Variants in STK3 observed in about 807,000 individuals in gnomAD.
The protein encoded by STK3 is serine/threonine kinase 3, also known as serine/threonine-protein kinase 3.
A neutral mutation model predicts 58.0 loss-of-function variants in STK3; 41 were observed. The observed-to-expected ratio is 0.71, with a 90% CI of 0.55 to 0.92. The LOEUF (loss-of-function observed/expected upper bound fraction) is 0.92. STK3 is among the 40% of genes least tolerant of loss of function. The pLI is 0.00. For missense variants in STK3, 479 were observed against 602.7 expected, an observed-to-expected ratio of 0.79 and a Z score of 2.15; for synonymous variants, 170 against 191.0, an observed-to-expected ratio of 0.89 and a Z score of 0.91.
At chr8:98,498,050 C>T (rs938619593) in intron 10 of STK3, among the ~76,000 whole-genome samples, 4 of 152,076 alleles carry the variant, frequency 2.6e-5, no homozygotes, top group Admixed American at 6.6e-5. Flanking sequence ...CATCCTTACA[C>T]GGCCTCATAG....
At chr8:98,409,104 C>T (rs1245631923) in intron 3 of STK3, among the ~76,000 whole-genome samples, 1 of 152,154 alleles carries the variant, frequency 6.6e-6, no homozygotes, top group African/African-American at 2.4e-5. Context: ...CAGCCCCATG[C>T]CCCAGTCCAC....
intron 1 of STK3, among the ~76,000 whole-genome samples, chr8:98,891,620 T>TGC (rs1439431608): frequency 1.4e-5 from 2 of 138,532 alleles, no homozygotes; most frequent in African/African-American, 5.4e-5. Flanking sequence ...TGTGTGTGTG[T>TGC]GTGTGTGAGA....
intron 6 of STK3, among the ~76,000 whole-genome samples, chr8:98,607,539 A>G (rs1301518296): frequency 6.6e-6 from 1 of 152,250 alleles, no homozygotes; most frequent in Non-Finnish European, 1.5e-5. Context: ...TACTCTTTTT[A>G]GCAAATCTTT....
intron 3 of STK3, among the ~76,000 whole-genome samples, chr8:98,842,665 G>T (rs1037602962): frequency 2.6e-5 from 4 of 152,106 alleles, no homozygotes; most frequent in African/African-American, 9.7e-5. Flanking sequence ...GTAACAGAGT[G>T]AGATCCTGTC....
chr8:98,666,885 G>A (rs939161684), intron 6 of STK3, among the ~76,000 whole-genome samples: 1 of 152,104 alleles, frequency 6.6e-6, no homozygotes, highest in Non-Finnish European at 1.5e-5. Context: ...TAACATTTGT[G>A]TCAGCTTTAC....
rs1053056528 is a variant in STK3 at position 98,586,835 on chromosome 8, T to C, written c.823-7046A>G. Among the ~76,000 whole-genome samples, 47 of 152,124 alleles carry C rather than the reference T, an allele frequency of 3.1e-4. No homozygotes were observed. In the East Asian group the frequency reaches 3.3e-3, roughly 11 times the overall value. ...CCTGGTTTAGTCCTGGGAGAGTGTA[T>C]GTGTCGAGGAATTTATCCATTTCTT... is the stretch of plus-strand genomic sequence containing the variant. On this transcript the variant is annotated intron_variant, in intron 7 of 10. Coordinates refer to ENST00000419617, the MANE Select transcript of STK3 (RefSeq NM_006281.4).
intron 10 of STK3, among the ~76,000 whole-genome samples, chr8:98,513,571 G>C (rs1202361683): frequency 6.6e-6 from 1 of 152,148 alleles, no homozygotes; most frequent in Non-Finnish European, 1.5e-5. Flanking sequence ...AAATATATTG[G>C]CCTAGAAACT....
chr8:98,697,686 C>T (rs1433607277), intron 6 of STK3, among the ~76,000 whole-genome samples: 1 of 152,156 alleles, frequency 6.6e-6, no homozygotes, highest in African/African-American at 2.4e-5. Context: ...GTTTCTTAAT[C>T]CTGAGTTCTA....
At chr8:98,605,349 T>C (rs938071640) in intron 6 of STK3, among the ~76,000 whole-genome samples, 3 of 151,848 alleles carry the variant, frequency 2.0e-5, no homozygotes, top group Non-Finnish European at 2.9e-5. Flanking sequence ...CTGCAGGCTG[T>C]ATAGGAAGCA....
chr8:98,422,244 G>C (rs1168316797), intron 3 of STK3, among the ~76,000 whole-genome samples: 1 of 152,150 alleles, frequency 6.6e-6, no homozygotes, highest in Admixed American at 6.6e-5. Flanking sequence ...ACTTCATGAG[G>C]AATTGCATTT....
intron 10 of STK3, among the ~76,000 whole-genome samples, chr8:98,475,457 A>G (rs892909453): frequency 1.3e-5 from 2 of 152,242 alleles, no homozygotes; most frequent in African/African-American, 4.8e-5. Flanking sequence ...GCTGACTACA[A>G]TAGATCTTTT....
intron 7 of STK3, among the ~76,000 whole-genome samples, chr8:98,580,726 C>T (rs1813810654): frequency 1.3e-5 from 2 of 152,170 alleles, no homozygotes; most frequent in African/African-American, 4.8e-5. Flanking sequence ...GATCCTCCCA[C>T]CTCAGCCTTC....
chr8:98,719,027 T>C (rs776236302), intron 4 of STK3, among the ~76,000 whole-genome samples: 8 of 152,166 alleles, frequency 5.3e-5, no homozygotes, highest in Non-Finnish European at 1.0e-4. Flanking sequence ...GACTTGTCGA[T>C]ACAAAAAGAA....
At chr8:98,878,588 G>C (rs1837656274) in intron 3 of STK3, among the ~76,000 whole-genome samples, 1 of 152,014 alleles carries the variant, frequency 6.6e-6, no homozygotes, top group Non-Finnish European at 1.5e-5. Flanking sequence ...AATTAGTTTA[G>C]CCTGTGCAGT....
Position 98,767,389 on chromosome 8 carries a change from A to T in STK3, c.108-18T>A. The T allele has an allele frequency of 6.4e-7, 1 of 1,571,282 alleles. No homozygotes were observed. The highest frequency in any genetic ancestry group is 1.4e-5 in the African/African-American group (1 of 72,842). On this transcript the variant is annotated intron_variant, in intron 2 of 10. Transcript: ENST00000419617. Reference sequence around the variant, plus strand: ...CATAAGACCTAAAAGAAACCAAGACATTATTTTTTTCCTATCAAACATCGT... The same window carrying T: ...CATAAGACCTAAAAGAAACCAAGACTTTATTTTTTTCCTATCAAACATCGT...
At chr8:98,555,213 G>T (rs1487382197) in intron 8 of STK3, among the ~76,000 whole-genome samples, 1 of 152,054 alleles carries the variant, frequency 6.6e-6, no homozygotes, top group Non-Finnish European at 1.5e-5. Flanking sequence ...AATAATCAGA[G>T]ATTTTGCATT....
At chr8:98,382,487 C>T (rs1009520381) in intron 1 of STK3, among the ~76,000 whole-genome samples, 13 of 152,124 alleles carry the variant, frequency 8.5e-5, no homozygotes, top group African/African-American at 2.7e-4. Flanking sequence ...AGAGAAAAAG[C>T]CTTCCTTGTT....
At chr8:98,860,014 C>T (rs34803146) in intron 3 of STK3, among the ~76,000 whole-genome samples, 8,105 of 152,148 alleles carry the variant, frequency 0.053, 314 homozygotes, top group Middle Eastern at 0.15. Flanking sequence ...CAGAGGAAAG[C>T]GAAACCAAAT....
At chr8:98,427,494 C>T (rs1168328463) in intron 3 of STK3, 2 of 152,074 alleles carry the variant, frequency 1.3e-5, no homozygotes, top group Admixed American at 6.5e-5. Flanking sequence ...GGCCGCCCCC[C>T]TCATTCCCGC....
Sources: allele counts gnomAD v4.1 joint callset (sites outside exome capture counted in the v4.1 genomes callset), GRCh38; gene constraint gnomAD v4.1.1; transcripts MANE v1.5; gene names NCBI Gene and HGNC (gene_info 2026-07-23, HGNC 2026-07-21).